Variants in TENM1 observed in about 807,000 individuals in gnomAD.
The protein encoded by TENM1 is teneurin-1.
Under a neutral mutation model 174.8 loss-of-function variants are expected in TENM1, and 35 were observed. That is an observed-to-expected ratio of 0.20 (90% CI 0.15 to 0.27). The LOEUF (loss-of-function observed/expected upper bound fraction) is 0.27. Among genes scored for constraint, TENM1 ranks in the 10% least tolerant of loss-of-function variants. TENM1 has a pLI of 1.00. For missense variants in TENM1, 1,633 were observed against 2,130.1 expected, an observed-to-expected ratio of 0.77 and a Z score of 4.59; for synonymous variants, 781 against 798.7, an observed-to-expected ratio of 0.98 and a Z score of 0.37.
At chrX:124,654,870 T>C (rs769889536) in intron 6 of TENM1, among the ~76,000 whole-genome samples, 108 of 111,112 alleles carry the variant, frequency 9.7e-4, no homozygotes, top group Admixed American at 2.5e-3. Context: ...TGAAATGACA[T>C]GAAGATCTAA....
the TENM1 span, among the ~76,000 whole-genome samples, chrX:125,015,928 T>C: frequency 9.0e-6 from 1 of 111,711 alleles, no homozygotes; most frequent in South Asian, 3.7e-4. Flanking sequence ...GCATCTGTTA[T>C]ACACTAGACC....
chrX:124,878,705 T>C (rs1353320454), intron 3 of TENM1, among the ~76,000 whole-genome samples: 2 of 111,487 alleles, frequency 1.8e-5, no homozygotes, highest in Non-Finnish European at 1.9e-5. Flanking sequence ...CTTTTCTTTG[T>C]AAATTACCCA....
chrX:125,006,694 T>C, the TENM1 span, among the ~76,000 whole-genome samples: 2 of 111,605 alleles, frequency 1.8e-5, no homozygotes, highest in Non-Finnish European at 3.8e-5. Flanking sequence ...TTTGCTATTC[T>C]GTAGCCTCCA....
chrX:125,170,367 G>A, the TENM1 span, among the ~76,000 whole-genome samples: 1 of 111,535 alleles, frequency 9.0e-6, no homozygotes, highest in Non-Finnish European at 1.9e-5. Flanking sequence ...AAGCTTTGCT[G>A]AATAAGCTTC....
intron 3 of TENM1, among the ~76,000 whole-genome samples, chrX:124,845,005 G>C (rs1198440488): frequency 9.0e-6 from 1 of 111,019 alleles, no homozygotes; most frequent in Non-Finnish European, 1.9e-5. Flanking sequence ...TGTATAAGAA[G>C]CACCCCAGGT....
chrX:124,587,200 T>C (rs1199597458), intron 11 of TENM1, among the ~76,000 whole-genome samples: 1 of 110,209 alleles, frequency 9.1e-6, no homozygotes. Flanking sequence ...TTAAAGTTCA[T>C]ATGGAACCAA....
intron 10 of TENM1, 33 bp downstream of exon 13, chrX:124,645,110 G>A (rs775229460): frequency 2.5e-6 from 3 of 1,179,425 alleles, no homozygotes; most frequent in East Asian, 6.0e-5. Context: ...TGAGAGAAAA[G>A]CCTGAAGCAA....
chrX:125,028,787 A>G, the TENM1 span, among the ~76,000 whole-genome samples: 1 of 111,806 alleles, frequency 8.9e-6, no homozygotes, highest in Non-Finnish European at 1.9e-5. Context: ...AAAAATATCA[A>G]ATTCAGGATA....
At chrX:124,766,197 A>G (rs1214766592) in intron 3 of TENM1, among the ~76,000 whole-genome samples, 1 of 111,671 alleles carries the variant, frequency 9.0e-6, no homozygotes, top group Non-Finnish European at 1.9e-5. Context: ...TGTAAGCAGT[A>G]AAAAGAACCC....
At chrX:125,055,055 C>T in the TENM1 span, among the ~76,000 whole-genome samples, 1 of 111,520 alleles carries the variant, frequency 9.0e-6, no homozygotes, top group African/African-American at 3.3e-5. Flanking sequence ...TTGTAAAAGT[C>T]TTATTTCCAA....
the TENM1 span, among the ~76,000 whole-genome samples, chrX:124,987,281 G>C: frequency 9.0e-6 from 1 of 110,949 alleles, no homozygotes; most frequent in African/African-American, 3.3e-5. Context: ...TTTAATTTCA[G>C]GTTATAATCT....
chrX:124,578,992 T>G (rs114129784), intron 11 of TENM1, among the ~76,000 whole-genome samples: 1,218 of 112,321 alleles, frequency 0.011, 13 homozygotes, highest in African/African-American at 0.037. Flanking sequence ...TGTCCTTTAA[T>G]TCTGCCAAAA....
At chrX:124,396,960 A>G (rs1238605816) in intron 27 of TENM1, among the ~76,000 whole-genome samples, 1 of 110,144 alleles carries the variant, frequency 9.1e-6, no homozygotes, top group Non-Finnish European at 1.9e-5. Flanking sequence ...GTGTGGTAAG[A>G]AAACTGTTTG....
At chrX:125,111,514 T>C in the TENM1 span, among the ~76,000 whole-genome samples, 1 of 112,389 alleles carries the variant, frequency 8.9e-6, no homozygotes, top group African/African-American at 3.2e-5. Flanking sequence ...ATATTATTGA[T>C]AACTGTGAAT....
At chrX:125,036,333 A>G in the TENM1 span, among the ~76,000 whole-genome samples, 1 of 111,952 alleles carries the variant, frequency 8.9e-6, no homozygotes, top group African/African-American at 3.2e-5. Flanking sequence ...TAAATAAAGC[A>G]TCGTGGCTTT....
chrX:124,445,124 C>T (rs1000179456), intron 23 of TENM1, among the ~76,000 whole-genome samples: 6 of 111,316 alleles, frequency 5.4e-5, no homozygotes, highest in Non-Finnish European at 9.4e-5. Flanking sequence ...ATAAACGTAC[C>T]CAGTATTGTG....
chrX:124,538,564 C>G (rs1034610591), intron 15 of TENM1, among the ~76,000 whole-genome samples: 2 of 111,671 alleles, frequency 1.8e-5, no homozygotes, highest in Non-Finnish European at 3.8e-5. Flanking sequence ...TATTTATCAA[C>G]CCCTAGTTGT....
At chrX:124,812,935 A>C (rs1273772336) in intron 3 of TENM1, among the ~76,000 whole-genome samples, 1 of 110,616 alleles carries the variant, frequency 9.0e-6, no homozygotes, top group Non-Finnish European at 1.9e-5. Context: ...TGCTTTTTCC[A>C]GGAGGGGCAT....
intron 23 of TENM1, among the ~76,000 whole-genome samples, chrX:124,430,901 G>A (rs2060772289): frequency 8.9e-6 from 1 of 111,855 alleles, no homozygotes; most frequent in Non-Finnish European, 1.9e-5. Context: ...TACAATTCCA[G>A]CTACAGAAAA....
Sources: allele counts gnomAD v4.1 joint callset (sites outside exome capture counted in the v4.1 genomes callset), GRCh38; gene constraint gnomAD v4.1.1; transcripts MANE v1.5; gene names NCBI Gene and HGNC (gene_info 2026-07-23, HGNC 2026-07-21).